AGAP1: variants seen among roughly 807,000 people sequenced by gnomAD.
The protein encoded by AGAP1 is arf-GAP with GTPase, ANK repeat and PH domain-containing protein 1.
In AGAP1, 29 loss-of-function variants were observed where a neutral mutation model predicts 105.3. The observed-to-expected ratio is 0.28, with a 90% CI of 0.21 to 0.38. AGAP1 has a LOEUF of 0.38. AGAP1 is among the 10% of genes least tolerant of loss of function. AGAP1 has a pLI of 1.00. For synonymous variants in AGAP1, 509 were observed against 485.9 expected, an observed-to-expected ratio of 1.05 and a Z score of -0.63; for missense variants, 998 against 1,165.1, an observed-to-expected ratio of 0.86 and a Z score of 2.09.
At chr2:235,607,056 A>G (rs1945965697) in intron 1 of AGAP1, among the ~76,000 whole-genome samples, 1 of 152,146 alleles carries the variant, frequency 6.6e-6, no homozygotes, top group Non-Finnish European at 1.5e-5. Context: ...GGTGAGAAAA[A>G]TGGGTATTAA....
Position 235,866,688 on chromosome 2 carries a change from T to C in AGAP1, c.1051-16657T>C, listed in dbSNP as rs1278374852. 6.6e-6 allele frequency among the ~76,000 whole-genome samples: 1 copy of C among 152,222 alleles called. No individual in the cohort carries two copies. The highest frequency in any genetic ancestry group is 1.5e-5 in the Non-Finnish European group (1 of 68,040). On this transcript the variant is annotated intron_variant, in intron 9 of 17. Transcript: ENST00000304032. The surrounding 1 kb of genome is among the most constrained non-coding windows in gnomAD (Gnocchi z 6.1). ...TTTGTCTTAAACAGCAAACATTTAT[T>C]GTCTCCCAATTCTGGAGGCTGGAAG... is the stretch of plus-strand genomic sequence containing the variant.
rs916985573 is a variant in AGAP1, at chr2:235,964,168, G to C, written c.1484-4294G>C. 6.6e-6 allele frequency among the ~76,000 whole-genome samples: 1 copy of C among 152,118 alleles called. No individual in the cohort carries two copies. Among genetic ancestry groups the C allele is most frequent in the Non-Finnish European group, 1.5e-5 (1 of 68,024 alleles). ...AGATGAGAAATGTTAGTTTGGGAGA[G>C]AGTGTTACAAACACAGAGTGACAGA... On this transcript the variant is annotated intron_variant, in intron 12 of 17. Transcript: ENST00000304032. The surrounding 1 kb of genome is among the most constrained non-coding windows in gnomAD (Gnocchi z 4.6).
At chr2:235,597,108 A>C (rs1945550953) in intron 1 of AGAP1, among the ~76,000 whole-genome samples, 1 of 152,186 alleles carries the variant, frequency 6.6e-6, no homozygotes. Flanking sequence ...GGGAGATCAA[A>C]AGAGTTAAGG....
chr2:236,084,587 T>C (rs2058874383), intron 16 of AGAP1, among the ~76,000 whole-genome samples: 1 of 152,222 alleles, frequency 6.6e-6, no homozygotes. Flanking sequence ...TCTGTCATTC[T>C]ATTCACAACT....
rs2058996325 is a variant in AGAP1, at chr2:236,089,005, T to C, written c.2115-31187T>C. On this transcript the variant is annotated intron_variant, in intron 16 of 17. Transcript: ENST00000304032. The surrounding 1 kb of genome is among the most constrained non-coding windows in gnomAD (Gnocchi z 5.6). ...TACCAAAAGAGAAAGAACTGGTTTGTATAATATGTTTCAAAGTACAGAAGG... is the reference window on the plus strand; with the variant it reads ...TACCAAAAGAGAAAGAACTGGTTTGCATAATATGTTTCAAAGTACAGAAGG... Among the ~76,000 whole-genome samples, 1 of 152,200 alleles carries C rather than the reference T, an allele frequency of 6.6e-6. No individual in the cohort carries two copies. Among genetic ancestry groups the C allele is most frequent in the South Asian group, 2.1e-4 (1 of 4,828 alleles).
intron 1 of AGAP1, among the ~76,000 whole-genome samples, chr2:235,585,967 C>A (rs547822329): frequency 6.6e-6 from 1 of 152,240 alleles, no homozygotes; most frequent in South Asian, 2.1e-4. Context: ...CAGTTAAATT[C>A]TCAGGTTTCA....
chr2:236,012,202 T>G lies in AGAP1; in HGVS notation c.1646-24359T>G, dbSNP rs893706705. On this transcript the variant is annotated intron_variant, in intron 13 of 17. Transcript: ENST00000304032. This position sits in a 1 kb window ranked among gnomAD's most constrained non-coding sequence, Gnocchi z 4.9. ...GTTCACTTCCTGCTTATACATCCTGTGGTAATGGGAGAGCAGAGTGTGAAA... is the reference window on the plus strand; with the variant it reads ...GTTCACTTCCTGCTTATACATCCTGGGGTAATGGGAGAGCAGAGTGTGAAA... Among the ~76,000 whole-genome samples, 1 of 151,878 alleles carries G rather than the reference T, an allele frequency of 6.6e-6. No individual in the cohort carries two copies. The highest frequency in any genetic ancestry group is 2.4e-5 in the African/African-American group (1 of 41,348).
chr2:235,710,459 G>A (rs1950794723), intron 2 of AGAP1, among the ~76,000 whole-genome samples: 1 of 152,142 alleles, frequency 6.6e-6, no homozygotes, highest in Admixed American at 6.5e-5. Context: ...GCAACCGCGG[G>A]GTGTCATCAG....
rs1190714738 is a variant in AGAP1 at position 235,872,181 on chromosome 2, C to T, written c.1051-11164C>T. ...AATCAATGACCATCTGGTTGTCATG[C>T]ACTTTCAGTGGGTTAACAGTTGCAA... On this transcript the variant is annotated intron_variant, in intron 9 of 17. Transcript: ENST00000304032. This position sits in a 1 kb window ranked among gnomAD's most constrained non-coding sequence, Gnocchi z 4.5. Among the ~76,000 whole-genome samples the T allele has an allele frequency of 6.6e-6, 1 of 152,096 alleles. No individual in the cohort carries two copies. Among genetic ancestry groups the T allele is most frequent in the Non-Finnish European group, 1.5e-5 (1 of 68,026 alleles).
At chr2:235,884,860 A>ACAGCAGCAGCAGCAGCAG (rs10526218) in intron 10 of AGAP1, among the ~76,000 whole-genome samples, 1 of 151,162 alleles carries the variant, frequency 6.6e-6, no homozygotes, top group South Asian at 2.1e-4. Flanking sequence ...AGTAATAGTC[A>ACAGCAGCAGCAGCAGCAG]CAGCAGCAGC....
At chr2:236,067,844 C>G (rs1490700640) in intron 16 of AGAP1, among the ~76,000 whole-genome samples, 3 of 152,146 alleles carry the variant, frequency 2.0e-5, no homozygotes, top group Admixed American at 2.0e-4. Flanking sequence ...ATGACCGTTC[C>G]TGGATGTTTT....
At chr2:235,562,847 A>G (rs907806670) in intron 1 of AGAP1, among the ~76,000 whole-genome samples, 1 of 152,128 alleles carries the variant, frequency 6.6e-6, no homozygotes, top group African/African-American at 2.4e-5. Flanking sequence ...GATTGAGCCC[A>G]GGAGGTTAAG....
chr2:235,672,402 A>C (rs541632059), intron 1 of AGAP1, among the ~76,000 whole-genome samples: 75 of 152,366 alleles, frequency 4.9e-4, no homozygotes, highest in African/African-American at 1.6e-3. Context: ...CTGTTTCACT[A>C]GTGAGGCTAC....
At chr2:235,501,206 G>A (rs868592561) in intron 1 of AGAP1, among the ~76,000 whole-genome samples, 5 of 152,324 alleles carry the variant, frequency 3.3e-5, no homozygotes, top group Middle Eastern at 3.4e-3. Flanking sequence ...TCTGCGACAC[G>A]GTGGCATGTC....
intron 1 of AGAP1, among the ~76,000 whole-genome samples, chr2:235,694,762 T>C (rs1298172113): frequency 6.6e-6 from 1 of 152,204 alleles, no homozygotes; most frequent in Non-Finnish European, 1.5e-5. Flanking sequence ...CTGCTGTCAC[T>C]GCACAGCTCA....
chr2:235,823,865 C>G (rs1958933877), intron 9 of AGAP1, among the ~76,000 whole-genome samples: 1 of 152,136 alleles, frequency 6.6e-6, no homozygotes, highest in Non-Finnish European at 1.5e-5. Flanking sequence ...ATGTATCTAG[C>G]AGGCTCATTG....
intron 1 of AGAP1, among the ~76,000 whole-genome samples, chr2:235,571,279 T>G (rs766193121): frequency 2.0e-5 from 3 of 152,234 alleles, no homozygotes; most frequent in African/African-American, 7.2e-5. Context: ...GGGACAAGGA[T>G]TCACACCATA....
At chr2:235,542,072 A>T (rs1943460625) in intron 1 of AGAP1, among the ~76,000 whole-genome samples, 1 of 152,240 alleles carries the variant, frequency 6.6e-6, no homozygotes, top group Admixed American at 6.5e-5. Context: ...TTGTTCCAGG[A>T]TGGAAGTTGT....
chr2:235,714,313 G>GCC lies in AGAP1; in HGVS notation c.223-3243_223-3242dup, dbSNP rs1950988339. 6.6e-6 allele frequency among the ~76,000 whole-genome samples: 1 copy of GCC among 152,158 alleles called. No homozygotes were observed. The highest frequency in any genetic ancestry group is 1.5e-5 in the Non-Finnish European group (1 of 68,036). ...TTACAGGCGTGAGCCACCATGCCCA[G>GCC]CCAGGGGTTAGGTTTCAACATATGA... On this transcript the variant is annotated intron_variant, in intron 2 of 17. Coordinates refer to ENST00000304032, the MANE Select transcript of AGAP1 (RefSeq NM_001037131.3). This position sits in a 1 kb window ranked among gnomAD's most constrained non-coding sequence, Gnocchi z 4.1.
Sources: allele counts gnomAD v4.1 joint callset (sites outside exome capture counted in the v4.1 genomes callset), GRCh38; gene constraint gnomAD v4.1.1; non-coding constraint Gnocchi (gnomAD v3.1); transcripts MANE v1.5; gene names NCBI Gene and HGNC (gene_info 2026-07-23, HGNC 2026-07-21).